Variants in ARMC8 observed in about 807,000 individuals in gnomAD.
ARMC8 encodes the protein armadillo repeat containing 8.
In ARMC8, 20 loss-of-function variants were observed where a neutral mutation model predicts 99.3. The ratio of observed to expected loss-of-function variants is 0.20; its 90% confidence interval spans 0.14 to 0.29. The LOEUF (loss-of-function observed/expected upper bound fraction) is 0.29, where lower values mean the gene tolerates loss of function less well. ARMC8 is among the 10% of genes least tolerant of loss of function. ARMC8 has a pLI of 1.00. For missense variants in ARMC8, 569 were observed against 809.5 expected (o/e 0.70, Z 3.60); for synonymous variants, 263 against 278.3 (o/e 0.95, Z 0.55).
chr3:138,208,321 C>T (rs1271757325), intron 1 of ARMC8, among the ~76,000 whole-genome samples: 2 of 152,064 alleles, frequency 1.3e-5, no homozygotes, highest in South Asian at 4.1e-4. Flanking sequence ...CAAAAATTAG[C>T]TGGATGTGGT....
intron 18 of ARMC8, among the ~76,000 whole-genome samples, chr3:138,276,322 G>A (rs940714659): frequency 6.6e-6 from 1 of 152,190 alleles, no homozygotes. Context: ...CAGTGTTTCA[G>A]TTTTGACACG....
chr3:138,288,635 C>CTTT (rs547726493), intron 19 of ARMC8, among the ~76,000 whole-genome samples: 20 of 109,680 alleles, frequency 1.8e-4, no homozygotes, highest in East Asian at 9.1e-4. Context: ...CTTCTTCAGA[C>CTTT]TTTTTTTTTT....
intron 1 of ARMC8, among the ~76,000 whole-genome samples, chr3:138,206,524 A>G (rs2044379505): frequency 6.6e-6 from 1 of 152,212 alleles, no homozygotes; most frequent in Admixed American, 6.6e-5. Flanking sequence ...TTTTGCCTAA[A>G]AAAAGCTCTA....
At chr3:138,213,780 GC>G (rs2044844202) in intron 2 of ARMC8, among the ~76,000 whole-genome samples, 2 of 152,272 alleles carry the variant, frequency 1.3e-5, no homozygotes, top group East Asian at 3.9e-4. Flanking sequence ...ATGAGTGAAA[GC>G]TACTTAAACA....
chr3:138,292,952 G>T (rs1333973211), intron 21 of ARMC8, among the ~76,000 whole-genome samples: 6 of 152,196 alleles, frequency 3.9e-5, no homozygotes, highest in African/African-American at 2.4e-5. Flanking sequence ...GGAAAAAGAT[G>T]CCTGGACGGT....
intron 12 of ARMC8, chr3:138,261,833 G>C (rs980077042): frequency 6.6e-6 from 1 of 152,224 alleles, no homozygotes; most frequent in African/African-American, 2.4e-5. Context: ...AAAGCATGGA[G>C]ACCTTTCGTC....
chr3:138,271,518 AAACTG>A (rs1217881627), intron 16 of ARMC8, among the ~76,000 whole-genome samples: 2 of 152,240 alleles, frequency 1.3e-5, no homozygotes, highest in African/African-American at 2.4e-5. Flanking sequence ...TTAATGTTGG[AAACTG>A]AACTCATTTC....
intron 9 of ARMC8, chr3:138,239,100 T>C (rs1274496631): frequency 1.5e-5 from 3 of 195,774 alleles, no homozygotes; most frequent in South Asian, 8.5e-5. Flanking sequence ...GTTCATCTTA[T>C]GTTTCATTTT....
At position 138,245,115 on chromosome 3, in the gene ARMC8, G is replaced by A. The variant is rs138240060; in HGVS notation, c.1066G>A (p.Glu356Lys). Residue 356 changes from glutamate (E) to lysine (K), a missense_variant, in exon 12 of 22, where the codon GAA (glutamate) becomes AAA (lysine). Physicochemically the swap from Glu to Lys is moderately conservative, Grantham distance 56. This residue lies in a region of ARMC8 where 227 missense variants were observed against 417.9 expected (regional missense o/e 0.54). Transcript: ENST00000469044. ...RLDHDLKHAH[E>K]LRQAAFKLYA... ...TGATCATGATTTAAAACATGCTCAC[G>A]AACTCCGCCAGGCTGCATTCAAGCT... 5.6e-6 allele frequency: 9 copies of A among 1,613,782 alleles called. No homozygotes were observed. The highest frequency in any genetic ancestry group is 2.2e-5 in the East Asian group (1 of 44,892).
chr3:138,249,480 TAG>T (rs2047029632), intron 12 of ARMC8, among the ~76,000 whole-genome samples: 1 of 151,980 alleles, frequency 6.6e-6, no homozygotes, highest in Non-Finnish European at 1.5e-5. Flanking sequence ...TTAGAAAATA[TAG>T]AGTTTTTATC....
At chr3:138,277,188 T>C (rs1221716892) in intron 18 of ARMC8, among the ~76,000 whole-genome samples, 1 of 152,142 alleles carries the variant, frequency 6.6e-6, no homozygotes, top group African/African-American at 2.4e-5. Context: ...AAGAATGGTC[T>C]TTTCAAGAAA....
chr3:138,236,047 C>A (rs1053207773), intron 7 of ARMC8, among the ~76,000 whole-genome samples: 2 of 152,136 alleles, frequency 1.3e-5, no homozygotes, highest in Non-Finnish European at 2.9e-5. Flanking sequence ...ACCTTGTGAT[C>A]CGCCTGCCTT....
chr3:138,203,661 G>A (rs942662378), intron 1 of ARMC8, among the ~76,000 whole-genome samples: 2 of 152,170 alleles, frequency 1.3e-5, no homozygotes, highest in African/African-American at 2.4e-5. Context: ...ACTTGATCCA[G>A]TCCTCACTCA....
rs200413853 is a variant in ARMC8 at position 138,228,964 on chromosome 3, G to T, written c.482G>T (p.Arg161Leu). Reference protein sequence around the residue: ...PHLMALLSRSRYTQEYICQIF... With the variant: ...PHLMALLSRSLYTQEYICQIF... ...CTCATGGCACTGCTTAGCAGGTCCC[G>T]CTATACCCAGGAGTACATCTGTCAG... Residue 161 changes from arginine (R) to leucine (L), a missense_variant, in exon 6 of 22, where the codon CGC becomes CTC. By Grantham distance (102) the Arg-to-Leu change is moderately radical. Transcript: ENST00000469044. The T allele has an allele frequency of 5.6e-6, 9 of 1,609,046 alleles. No homozygotes were observed. Among genetic ancestry groups the T allele is most frequent in the Non-Finnish European group, 7.6e-6 (9 of 1,177,292 alleles).
At chr3:138,190,381 G>T (rs2043316619) in intron 1 of ARMC8, among the ~76,000 whole-genome samples, 1 of 151,302 alleles carries the variant, frequency 6.6e-6, no homozygotes. Flanking sequence ...CCGCCTCCGG[G>T]GTTCAAGCGA....
At chr3:138,192,234 A>G (rs1220143965) in intron 1 of ARMC8, among the ~76,000 whole-genome samples, 1 of 149,814 alleles carries the variant, frequency 6.7e-6, no homozygotes, top group Non-Finnish European at 1.5e-5. Context: ...CATTTCCCTA[A>G]TGATTAATAA....
chr3:138,187,542 G>A lies in ARMC8; in HGVS notation c.-13G>A. ...GCGCCGGCGCCTGCAGCAGCCGGGTGGGAAGGCTCAAGATGGCGTGCTTGT... is the reference window on the plus strand; with the variant it reads ...GCGCCGGCGCCTGCAGCAGCCGGGTAGGAAGGCTCAAGATGGCGTGCTTGT... On this transcript the variant is annotated 5_prime_UTR_variant, in exon 1 of 22. Coordinates refer to ENST00000469044, the MANE Select transcript of ARMC8 (RefSeq NM_001363941.2). 1 of 1,535,652 alleles carries A rather than the reference G, an allele frequency of 6.5e-7. No individual in the cohort carries two copies. The highest frequency in any genetic ancestry group is 8.7e-7 in the Non-Finnish European group (1 of 1,146,612).
At chr3:138,269,980 T>C (rs2048638102) in intron 15 of ARMC8, 60 bp from the exon 16 acceptor site, 2 of 1,165,946 alleles carry the variant, frequency 1.7e-6, no homozygotes, top group Non-Finnish European at 2.6e-6. Context: ...GGTATATGCA[T>C]GTTTAGTTTG....
rs532029057 is a variant in ARMC8 at position 138,239,905 on chromosome 3, CTT to C, written c.837+379_837+380del. Among the ~76,000 whole-genome samples the C allele has an allele frequency of 3.4e-4, 52 of 152,244 alleles. No homozygotes were observed. The South Asian group carries it at 0.01, about 30-fold the overall frequency. The stretch of plus-strand genomic sequence containing the variant: ...GATTTGCCACTTTTGCAGAAAAAGA[CTT>C]TATATCATTCTCATAGCTGATAATC... On this transcript the variant is annotated intron_variant, in intron 10 of 21. Coordinates refer to ENST00000469044, the MANE Select transcript of ARMC8 (RefSeq NM_001363941.2).
Sources: allele counts gnomAD v4.1 joint callset (sites outside exome capture counted in the v4.1 genomes callset), GRCh38; gene constraint gnomAD v4.1.1; regional missense constraint gnomAD v4.1.1; transcripts MANE v1.5; gene names NCBI Gene and HGNC (gene_info 2026-07-23, HGNC 2026-07-21).